Variants in DMD observed in about 807,000 individuals in gnomAD.
The protein encoded by DMD is mutant dystrophin.
DMD carries 63 observed loss-of-function variants against 330.1 expected under a neutral mutation model. That is an observed-to-expected ratio of 0.19 (90% CI 0.16 to 0.24). DMD has a LOEUF of 0.24. Ranked by LOEUF, DMD falls within the 10% of genes least tolerant of loss-of-function variation. DMD has a pLI of 1.00. For synonymous variants in DMD, 1,223 were observed against 959.8 expected (o/e 1.27, Z -5.07); for missense variants, 3,344 against 2,684.1 (o/e 1.25, Z -5.43).
intron 37 of DMD, 50 bp downstream of exon 37, chrX:32,362,738 C>T (rs776332075): frequency 1.5e-5 from 18 of 1,190,927 alleles, no homozygotes; most frequent in African/African-American, 5.3e-5. Flanking sequence ...GCGCAACCTT[C>T]GCAAGAGACC....
intron 47 of DMD, among the ~76,000 whole-genome samples, chrX:31,928,555 G>A (rs1197920034): frequency 2.7e-5 from 3 of 109,674 alleles, no homozygotes; most frequent in East Asian, 2.8e-4. Context: ...GCAGTGAGCC[G>A]AGATCGCGCC....
intron 62 of DMD, among the ~76,000 whole-genome samples, chrX:31,266,201 T>TCCCC (rs1491264822): frequency 2.1e-5 from 1 of 46,811 alleles, no homozygotes; most frequent in African/African-American, 1.2e-4. Context: ...CAAACAAAAA[T>TCCCC]CCCCACCCCC....
At chrX:32,688,973 C>T (rs141797358) in intron 9 of DMD, among the ~76,000 whole-genome samples, 2,369 of 110,725 alleles carry the variant, frequency 0.021, 47 homozygotes, top group African/African-American at 0.072. Context: ...CATCAATTTC[C>T]TAACCTATTT....
rs1292668039 is a variant in DMD, at chrX:31,674,526, T to G, written c.7872+4849A>C. On this transcript the variant is annotated intron_variant, in intron 53 of 78. Transcript: ENST00000357033. ...CAGCCAGGCTCAAACAAGATTTCAC[T>G]TCTCTATTGAATTCATGTACTCTTA... Among the ~76,000 whole-genome samples the G allele has an allele frequency of 6.2e-5, 7 of 112,280 alleles. No individual in the cohort carries two copies. In the East Asian group the frequency reaches 1.9e-3, roughly 31 times the overall value.
intron 55 of DMD, among the ~76,000 whole-genome samples, chrX:31,529,724 G>A (rs1022125509): frequency 7.2e-5 from 8 of 111,808 alleles, no homozygotes; most frequent in African/African-American, 9.8e-5. Flanking sequence ...CTCTCACCGT[G>A]GGGAGTAAAC....
intron 7 of DMD, among the ~76,000 whole-genome samples, chrX:32,783,273 A>ATATACACATATATGG: frequency 1.1e-5 from 1 of 94,899 alleles, no homozygotes; most frequent in Non-Finnish European, 2.2e-5. Context: ...CATATATGGT[A>ATATACACATATATGG]TATATACACC....
At chrX:32,493,984 G>C (rs1160336335) in intron 19 of DMD, among the ~76,000 whole-genome samples, 1 of 111,673 alleles carries the variant, frequency 9.0e-6, no homozygotes, top group East Asian at 2.8e-4. Flanking sequence ...AATGAGACGG[G>C]AACACAGAGA....
intron 2 of DMD, among the ~76,000 whole-genome samples, chrX:32,861,956 A>G (rs184275104): frequency 4.5e-5 from 5 of 112,244 alleles, no homozygotes; most frequent in African/African-American, 6.5e-5. Flanking sequence ...CCCATGCCTC[A>G]TATTTCTATC....
intron 45 of DMD, among the ~76,000 whole-genome samples, chrX:31,967,657 C>T (rs527584375): frequency 9.0e-6 from 1 of 110,896 alleles, no homozygotes; most frequent in Non-Finnish European, 1.9e-5. Flanking sequence ...TCTTCCTTTA[C>T]GAAACAAGAC....
intron 2 of DMD, among the ~76,000 whole-genome samples, chrX:33,016,503 G>A (rs990029899): frequency 3.6e-5 from 4 of 111,005 alleles, no homozygotes; most frequent in Non-Finnish European, 5.7e-5. Context: ...CTCGTTATTG[G>A]GCCACAAGAA....
chrX:33,168,980 A>G (rs982895878), intron 1 of DMD, among the ~76,000 whole-genome samples: 11 of 88,959 alleles, frequency 1.2e-4, no homozygotes, highest in African/African-American at 3.0e-4. Context: ...ATTCCTGTCA[A>G]CTCTCTAGAA....
At chrX:32,035,521 A>G in intron 44 of DMD, 1 of 300,673 alleles carries the variant, frequency 3.3e-6, no homozygotes. Context: ...ACCGTAACTT[A>G]CATTCTAGTA....
intron 1 of DMD, among the ~76,000 whole-genome samples, chrX:33,138,089 G>T (rs5972761): frequency 0.086 from 9,529 of 110,601 alleles, 465 homozygotes; most frequent in South Asian, 0.2. Flanking sequence ...GTATAAAAAA[G>T]ACAGTACAAA....
intron 32 of DMD, among the ~76,000 whole-genome samples, chrX:32,388,549 A>G (rs947872727): frequency 1.8e-5 from 2 of 109,890 alleles, no homozygotes; most frequent in Non-Finnish European, 3.8e-5. Flanking sequence ...TTTTTCACAC[A>G]TAAATATATG....
intron 62 of DMD, among the ~76,000 whole-genome samples, chrX:31,272,253 T>C (rs1259981770): frequency 3.6e-5 from 4 of 112,377 alleles, no homozygotes; most frequent in Non-Finnish European, 7.5e-5. Flanking sequence ...TTCACTAAAA[T>C]AAAGCCATAC....
chrX:32,438,107 T>C, intron 29 of DMD, 134 bp downstream of exon 29: 1 of 643,097 alleles, frequency 1.6e-6, no homozygotes, highest in Non-Finnish European at 2.5e-6. Context: ...TTACCCAGTG[T>C]CTGGCATTGG....
intron 2 of DMD, among the ~76,000 whole-genome samples, chrX:33,004,686 T>C (rs2093358029): frequency 1.8e-5 from 2 of 111,240 alleles, no homozygotes; most frequent in Non-Finnish European, 3.8e-5. Context: ...ACTTATTATA[T>C]TGGAATGCCT....
upstream of DMD, among the ~76,000 whole-genome samples, chrX:33,213,557 T>C (rs2051995832): frequency 8.9e-6 from 1 of 112,037 alleles, no homozygotes; most frequent in Admixed American, 9.5e-5. Flanking sequence ...TAACTACATC[T>C]TGTAGGTCTT....
At chrX:31,130,536 A>G (rs1454373426) in intron 77 of DMD, among the ~76,000 whole-genome samples, 4 of 112,310 alleles carry the variant, frequency 3.6e-5, no homozygotes, top group Non-Finnish European at 7.5e-5. Flanking sequence ...ATAATCACAA[A>G]GCTGAATGTT....
Sources: gnomAD v4.1 joint callset for allele counts (sites outside exome capture counted in the v4.1 genomes callset) on GRCh38, gnomAD v4.1.1 for gene constraint, MANE v1.5 for transcripts, NCBI Gene and HGNC (gene_info 2026-07-23, HGNC 2026-07-21) for gene names.